The following SLC25A21 variants were observed in gnomAD, a reference collection of about 807,000 sequenced individuals.
SLC25A21 encodes mitochondrial 2-oxodicarboxylate carrier.
SLC25A21 carries 47 observed loss-of-function variants against 43.8 expected under a neutral mutation model. The ratio of observed to expected loss-of-function variants is 1.07; its 90% confidence interval spans 0.85 to 1.37. The LOEUF (loss-of-function observed/expected upper bound fraction) is 1.37, where lower values mean the gene tolerates loss of function less well. SLC25A21 is among the 40% of genes most tolerant of loss of function. The pLI is 0.00. For missense variants in SLC25A21, 352 were observed against 350.2 expected (o/e 1.00, Z -0.04); for synonymous variants, 131 against 121.3 (o/e 1.08, Z -0.52).
chr14:36,789,890 T>A (rs1383091236), intron 3 of SLC25A21, among the ~76,000 whole-genome samples: 3 of 119,656 alleles, frequency 2.5e-5, no homozygotes, highest in Non-Finnish European at 5.0e-5. Context: ...TTATATAAAA[T>A]ATATATTATA....
chr14:37,070,979 C>T (rs942054457), intron 1 of SLC25A21, among the ~76,000 whole-genome samples: 4 of 152,070 alleles, frequency 2.6e-5, no homozygotes, highest in Non-Finnish European at 5.9e-5. Context: ...CCTGAAATAC[C>T]GAGACTTTCT....
chr14:37,054,167 C>T (rs891484729), intron 1 of SLC25A21, among the ~76,000 whole-genome samples: 1 of 152,136 alleles, frequency 6.6e-6, no homozygotes. Context: ...CTGTGGAAGA[C>T]CTGAGCTGTC....
chr14:36,809,977 A>G (rs1888177108), intron 3 of SLC25A21, among the ~76,000 whole-genome samples: 1 of 152,208 alleles, frequency 6.6e-6, no homozygotes, highest in African/African-American at 2.4e-5. Context: ...ATGTGTTAAA[A>G]GGCTTTTGTC....
At chr14:36,731,598 T>C (rs1179438802) in intron 4 of SLC25A21, among the ~76,000 whole-genome samples, 2 of 152,320 alleles carry the variant, frequency 1.3e-5, no homozygotes, top group African/African-American at 4.8e-5. Context: ...CTCAATGCCC[T>C]GGGGCTGCTG....
chr14:36,971,973 G>GTA (rs1197036438), intron 1 of SLC25A21, among the ~76,000 whole-genome samples: 1 of 152,118 alleles, frequency 6.6e-6, no homozygotes, highest in Non-Finnish European at 1.5e-5. Context: ...TTAATTGTGT[G>GTA]TATATATACA....
intron 1 of SLC25A21, among the ~76,000 whole-genome samples, chr14:36,911,371 A>G (rs551519891): frequency 3.3e-5 from 5 of 152,318 alleles, no homozygotes; most frequent in Admixed American, 6.5e-5. Context: ...TCACAGAGCC[A>G]TTAAAGGGCA....
chr14:36,755,433 T>C (rs1885886953), intron 3 of SLC25A21, among the ~76,000 whole-genome samples: 1 of 152,168 alleles, frequency 6.6e-6, no homozygotes, highest in African/African-American at 2.4e-5. Flanking sequence ...GCAAGGTGAT[T>C]TTTTTCCTTC....
chr14:36,968,535 C>T (rs1246672153), intron 1 of SLC25A21, among the ~76,000 whole-genome samples: 5 of 152,164 alleles, frequency 3.3e-5, no homozygotes, highest in Admixed American at 1.3e-4. Flanking sequence ...GCTGGGGAAA[C>T]GGCAGGAACG....
At chr14:36,724,466 A>C (rs1884507360) in intron 6 of SLC25A21, among the ~76,000 whole-genome samples, 1 of 152,212 alleles carries the variant, frequency 6.6e-6, no homozygotes, top group South Asian at 2.1e-4. Context: ...TTCCTACAGA[A>C]AGATCAGGTC....
At chr14:36,989,190 C>T (rs1202780074) in intron 1 of SLC25A21, among the ~76,000 whole-genome samples, 1 of 152,140 alleles carries the variant, frequency 6.6e-6, no homozygotes, top group Non-Finnish European at 1.5e-5. Flanking sequence ...CTCCTGGCTG[C>T]AATGCAGTCT....
intron 6 of SLC25A21, among the ~76,000 whole-genome samples, chr14:36,715,898 C>G (rs1407732081): frequency 6.6e-6 from 1 of 151,976 alleles, no homozygotes; most frequent in Non-Finnish European, 1.5e-5. Context: ...GCGAGACCAG[C>G]TGGCCAATGT....
At chr14:36,791,375 A>C (rs138747616) in intron 3 of SLC25A21, among the ~76,000 whole-genome samples, 191 of 152,254 alleles carry the variant, frequency 1.3e-3, no homozygotes, top group African/African-American at 4.5e-3. Flanking sequence ...TGCTTTTTAA[A>C]GTAAAGAAAT....
intron 1 of SLC25A21, among the ~76,000 whole-genome samples, chr14:37,107,295 A>C (rs1185289128): frequency 2.0e-5 from 3 of 151,902 alleles, no homozygotes; most frequent in African/African-American, 7.3e-5. Flanking sequence ...CTCCCACCTC[A>C]TTCTCCTGAG....
At position 36,976,936 on chromosome 14, in the gene SLC25A21, T is replaced by C. The variant is rs533447767; in HGVS notation, c.71-101932A>G. The stretch of plus-strand genomic sequence containing the variant: ...TTCCCACCAGCTAATCATCAGTTCA[T>C]CCACTCAACTAATTTTCTCAGCCCG... On this transcript the variant is annotated intron_variant, in intron 1 of 9. Transcript: ENST00000331299. 2.6e-5 allele frequency among the ~76,000 whole-genome samples: 4 copies of C among 152,324 alleles called. No homozygotes were observed. The East Asian group carries it at 7.7e-4, about 29-fold the overall frequency.
At chr14:36,923,724 A>C (rs1421857991) in intron 1 of SLC25A21, among the ~76,000 whole-genome samples, 1 of 152,168 alleles carries the variant, frequency 6.6e-6, no homozygotes, top group Admixed American at 6.6e-5. Context: ...AGATTCAACC[A>C]ACTGCAGAGC....
rs141437770 is a variant in SLC25A21, at chr14:36,691,480, T to G, written c.604-6555A>C. On this transcript the variant is annotated intron_variant, in intron 7 of 9. Coordinates refer to ENST00000331299, the MANE Select transcript of SLC25A21 (RefSeq NM_030631.4). ...CTGTCACCAATTAGGAACTGTTTCT[T>G]GTACTTAATTGATGTTCCTCACCAA... Among the ~76,000 whole-genome samples, 36 of 152,362 alleles carry G rather than the reference T, an allele frequency of 2.4e-4. No homozygotes were observed. In the East Asian group the frequency reaches 6.4e-3, roughly 27 times the overall value.
At chr14:36,698,176 T>A (rs529902020) in intron 7 of SLC25A21, among the ~76,000 whole-genome samples, 1 of 152,310 alleles carries the variant, frequency 6.6e-6, no homozygotes, top group Non-Finnish European at 1.5e-5. Context: ...GTTATGAAGC[T>A]TAGTTTGGCT....
intron 1 of SLC25A21, among the ~76,000 whole-genome samples, chr14:36,970,287 C>T (rs897730390): frequency 6.6e-6 from 1 of 152,034 alleles, no homozygotes; most frequent in Non-Finnish European, 1.5e-5. Flanking sequence ...CTGTGGTTGT[C>T]CAGGATGGTA....
intron 3 of SLC25A21, among the ~76,000 whole-genome samples, chr14:36,779,814 GA>G (rs1356003759): frequency 4.6e-5 from 7 of 151,560 alleles, no homozygotes; most frequent in South Asian, 4.2e-4. Flanking sequence ...TATACACCCA[GA>G]AGTGGGATTT....
Sources: allele counts gnomAD v4.1 joint callset (sites outside exome capture counted in the v4.1 genomes callset), GRCh38; gene constraint gnomAD v4.1.1; transcripts MANE v1.5; gene names NCBI Gene and HGNC (gene_info 2026-07-23, HGNC 2026-07-21).